APC2: variants seen among roughly 807,000 people sequenced by gnomAD.
APC2 encodes APC regulator of Wnt signaling pathway 2, also known as adenomatous polyposis coli protein 2.
Under a neutral mutation model 72.5 loss-of-function variants are expected in APC2, and 41 were observed. The ratio of observed to expected loss-of-function variants is 0.57; its 90% CI spans 0.44 to 0.73. The LOEUF is 0.73. Among genes scored for constraint, APC2 ranks in the 30% least tolerant of loss-of-function variants. APC2 has a pLI of 0.00. For synonymous variants in APC2, 1,898 were observed against 1,612.0 expected (o/e 1.18, Z -4.25); for missense variants, 3,729 against 3,403.4 (o/e 1.10, Z -2.38).
rs975482844 is a variant in APC2, at chr19:1,469,849, C to T, written c.6548C>T (p.Pro2183Leu). 5 of 1,520,436 alleles carry T rather than the reference C, an allele frequency of 3.3e-6. No homozygotes were observed. The highest frequency in any genetic ancestry group is 2.8e-5 in the African/African-American group (2 of 70,326). 94.2% of individuals were successfully genotyped at this position (1,520,436 alleles called of 1,614,324 possible). The change falls in exon 15 of 15, where the codon CCG becomes CTG. Residue 2183 changes from proline (P) to leucine (L), a missense_variant. By Grantham distance (98) the Pro-to-Leu change is moderately conservative. Transcript: ENST00000590469. ...TPEDAPAGPP[P>L]RKTSDAVVQT... Reference sequence around the variant, plus strand: ...GAGGACGCCCCGGCCGGGCCCCCGCCGCGCAAGACCAGCGACGCCGTGGTC... The same window carrying T: ...GAGGACGCCCCGGCCGGGCCCCCGCTGCGCAAGACCAGCGACGCCGTGGTC...
At chr19:1,458,086 G>A (rs1033459450) in intron 10 of APC2, 26 bp downstream of exon 10, 48 of 1,544,288 alleles carry the variant, frequency 3.1e-5, no homozygotes, top group Non-Finnish European at 4.0e-5. Context: ...CCTCTGGGAA[G>A]CCATCCTCCA....
chr19:1,452,691 C>A lies in APC2; in HGVS notation c.-18-293C>A. The A allele has an allele frequency of 5.4e-6, 2 of 373,442 alleles. No individual in the cohort carries two copies. Among genetic ancestry groups the A allele is most frequent in the Non-Finnish European group, 1.0e-5 (2 of 200,620 alleles). 23.1% of individuals were successfully genotyped at this position (373,442 alleles called of 1,614,324 possible). ...GGCTGGGAAGGAGAGGCCGACCCAT[C>A]GTCTGTCGGTCGACTGGTCAGTTGG... is the stretch of plus-strand genomic sequence containing the variant. On this transcript the variant is annotated intron_variant, in intron 1 of 14. Coordinates refer to ENST00000590469, the MANE Select transcript of APC2 (RefSeq NM_005883.3). This position sits in a 1 kb window ranked among gnomAD's most constrained non-coding sequence, Gnocchi z 5.1.
Position 1,469,649 on chromosome 19 carries a change from CG to C in APC2, c.6349del (p.Ala2117ArgfsTer218). The C allele has an allele frequency of 1.6e-6, 2 of 1,238,818 alleles. No homozygotes were observed. Among genetic ancestry groups the C allele is most frequent in the South Asian group, 3.0e-5 (1 of 33,130 alleles). The allele number at this position is 1,238,818 out of a possible 1,614,324, so 76.7% of individuals were successfully genotyped here. ...VARRPDGAVP[A>X]APASADAARR... ...CCCGCAGGCCCGACGGCGCCGTCCC[CG>C]CGGCCCCTGCCTCAGCCGACGCCGC... On this transcript the variant is annotated frameshift_variant, in exon 15 of 15. Transcript: ENST00000590469. LOFTEE classifies it low-confidence loss of function (END_TRUNC).
At chr19:1,451,332 A>T (rs2083740487) in intron 1 of APC2, 2 of 152,722 alleles carry the variant, frequency 1.3e-5, no homozygotes, top group South Asian at 2.1e-4. Context: ...TTTGCACGTC[A>T]TCTGGTCCTT....
At position 1,458,162 on chromosome 19, in the gene APC2, C is replaced by T. The variant is rs117105828; in HGVS notation, c.1303+102C>T. 1,777 of 1,133,598 alleles carry T rather than the reference C, an allele frequency of 1.6e-3. 41 individuals are homozygous for T. In the East Asian group the frequency reaches 0.037, roughly 24 times the overall value. The allele number at this position is 1,133,598 out of a possible 1,614,324, so 70.2% of individuals were successfully genotyped here. ...ACAGGCTGGGTCATCTGAGCTTGGG[C>T]TGGGGATTGGAGCCCGGAGAGGGAC... On this transcript the variant is annotated intron_variant, in intron 10 of 14. Transcript: ENST00000590469.
intron 11 of APC2, 23 bp from the exon 12 acceptor site, chr19:1,460,757 C>A: frequency 6.2e-7 from 1 of 1,608,850 alleles, no homozygotes; most frequent in South Asian, 1.1e-5. Flanking sequence ...ACCCCGTGAC[C>A]CCGGCTGCAT....
In APC2 at chr19:1,468,114, G is replaced by T; in HGVS notation, c.4813G>T (p.Ala1605Ser). The change falls in exon 15 of 15, where the codon GCG (alanine) becomes TCG (serine). Residue 1605 changes from alanine to serine, a missense_variant. By Grantham distance (99) the Ala-to-Ser change is moderately conservative. Coordinates refer to ENST00000590469, the MANE Select transcript of APC2 (RefSeq NM_005883.3). ...CGTCCATCCACGAGGCCGGGAGCCC[G>T]CGGTCACCAAGGACCCGGGCCCAGG... ...PAVHPRGREPAVTKDPGPGGG... is the reference protein window; with the variant it reads ...PAVHPRGREPSVTKDPGPGGG... 3 of 1,520,266 alleles carry T rather than the reference G, an allele frequency of 2.0e-6. No homozygotes were observed. Among genetic ancestry groups the T allele is most frequent in the Non-Finnish European group, 2.6e-6 (3 of 1,141,718 alleles). 94.2% of individuals were successfully genotyped at this position (1,520,266 alleles called of 1,614,324 possible).
At position 1,456,797 on chromosome 19, in the gene APC2, T is replaced by C. The variant is rs1599137947; in HGVS notation, c.817-56T>C. Reference sequence around the variant, plus strand: ...GGGGTCACAGGGCTCCGACCGGGTTTCCAGGTGTGCGGGGGGCAGGTGAGG... The same window carrying C: ...GGGGTCACAGGGCTCCGACCGGGTTCCCAGGTGTGCGGGGGGCAGGTGAGG... On this transcript the variant is annotated intron_variant, in intron 8 of 14. Coordinates refer to ENST00000590469, the MANE Select transcript of APC2 (RefSeq NM_005883.3). 2.6e-6 allele frequency: 4 copies of C among 1,549,538 alleles called. No individual in the cohort carries two copies. The East Asian group carries it at 9.6e-5, about 37-fold the overall frequency.
At position 1,465,988 on chromosome 19, in the gene APC2, G is replaced by T; in HGVS notation, c.2687G>T (p.Arg896Leu). 1 of 1,520,194 alleles carries T rather than the reference G, an allele frequency of 6.6e-7. No homozygotes were observed. 94.2% of individuals were successfully genotyped at this position (1,520,194 alleles called of 1,614,324 possible). ...EGRAQSCSPC[R>L]GPEGGRREAG... ...CGCGCCCAGTCCTGCTCGCCATGCC[G>T]CGGCCCGGAGGGCGGGCGGCGAGAG... The change falls in exon 15 of 15, where the codon CGC becomes CTC. Residue 896 changes from arginine to leucine, a missense_variant. Coordinates refer to ENST00000590469, the MANE Select transcript of APC2 (RefSeq NM_005883.3).
intron 14 of APC2, among the ~76,000 whole-genome samples, chr19:1,463,057 C>T (rs1451784241): frequency 6.6e-6 from 1 of 151,896 alleles, no homozygotes; most frequent in Non-Finnish European, 1.5e-5. Context: ...GGGCGGATCA[C>T]CTGAGGTTGG....
rs1172790922 is a variant in APC2 at position 1,468,576 on chromosome 19, G to A, written c.5275G>A (p.Val1759Ile). Residue 1759 changes from valine (V) to isoleucine (I), a missense_variant, in exon 15 of 15, where the codon GTC (valine) becomes ATC (isoleucine). Physicochemically the swap from Val to Ile is conservative, Grantham distance 29. Coordinates refer to ENST00000590469, the MANE Select transcript of APC2 (RefSeq NM_005883.3). ...RRPEKRGAAS[V>I]KTSGSPRSPA... is the part of the protein sequence containing the mutation. ...GCCAGAGAAAAGGGGCGCAGCCTCA[G>A]TCAAGACCAGCGGGAGCCCCCGTTC... The A allele has an allele frequency of 2.5e-6, 4 of 1,600,244 alleles. No individual in the cohort carries two copies. Among genetic ancestry groups the A allele is most frequent in the African/African-American group, 2.7e-5 (2 of 74,718 alleles).
chr19:1,447,925 G>T (rs1178052863), upstream of APC2, among the ~76,000 whole-genome samples: 1 of 152,154 alleles, frequency 6.6e-6, no homozygotes, highest in East Asian at 1.9e-4. Flanking sequence ...CCTGATGGGG[G>T]CCTGGGGAGC....
intron 14 of APC2, among the ~76,000 whole-genome samples, chr19:1,463,734 G>A (rs1168363108): frequency 6.6e-6 from 1 of 152,046 alleles, no homozygotes. Flanking sequence ...TGGGTGATGG[G>A]AGTGAGACCC....
chr19:1,470,380 T>A lies in APC2; in HGVS notation c.*167T>A. On this transcript the variant is annotated 3_prime_UTR_variant, in exon 15 of 15. Coordinates refer to ENST00000590469, the MANE Select transcript of APC2 (RefSeq NM_005883.3). Reference sequence around the variant, plus strand: ...GCCCAGCGCACGGCGACCTCGCGCCTCACCGGAAGACCTTGCCTCTGTGCC... The same window carrying A: ...GCCCAGCGCACGGCGACCTCGCGCCACACCGGAAGACCTTGCCTCTGTGCC... 9.8e-7 allele frequency: 1 copy of A among 1,024,060 alleles called. No homozygotes were observed. The highest frequency in any genetic ancestry group is 1.3e-6 in the Non-Finnish European group (1 of 742,006). 63.4% of individuals were successfully genotyped at this position (1,024,060 alleles called of 1,614,324 possible). A position where few individuals can be genotyped will look rare whatever the true frequency, so the allele number is the denominator to read the frequency against.
Position 1,469,200 on chromosome 19 carries a change from G to A in APC2, c.5899G>A (p.Gly1967Arg), listed in dbSNP as rs1371963460. 2 of 1,311,154 alleles carry A rather than the reference G, an allele frequency of 1.5e-6. No homozygotes were observed. Among genetic ancestry groups the A allele is most frequent in the Admixed American group, 3.9e-5 (1 of 25,648 alleles). The allele number at this position is 1,311,154 out of a possible 1,614,324, so 81.2% of individuals were successfully genotyped here. A position where few individuals can be genotyped will look rare whatever the true frequency, so the allele number is the denominator to read the frequency against. The stretch of plus-strand genomic sequence containing the variant: ...GACCGAGGCGGGCCCGGGGGCGCGC[G>A]GGGGCCGCCTGGGCCTGGTGCGTGT... ...AGTEAGPGARGGRLGLVRVAS... is the reference protein window; with the variant it reads ...AGTEAGPGARRGRLGLVRVAS... Residue 1967 changes from glycine (G) to arginine (R), a missense_variant, in exon 15 of 15, where the codon GGG (glycine) becomes AGG (arginine). Transcript: ENST00000590469.
chr19:1,453,074 C>A lies in APC2; in HGVS notation c.73C>A (p.Leu25Met). The change falls in exon 2 of 15, where the codon CTG (leucine) becomes ATG (methionine). Residue 25 changes from leucine to methionine, a missense_variant. By Grantham distance (15) the Leu-to-Met change is conservative. Coordinates refer to ENST00000590469, the MANE Select transcript of APC2 (RefSeq NM_005883.3). ...VEALKAENSH[L>M]RQELRDNSSH... is the part of the protein sequence containing the mutation. Reference sequence around the variant, plus strand: ...GGCCTTGAAGGCTGAGAACAGCCACCTGAGGCAGGAGCTAAGGGACAACTC... The same window carrying A: ...GGCCTTGAAGGCTGAGAACAGCCACATGAGGCAGGAGCTAAGGGACAACTC... 6.2e-7 allele frequency: 1 copy of A among 1,610,484 alleles called. No individual in the cohort carries two copies. The highest frequency in any genetic ancestry group is 8.5e-7 in the Non-Finnish European group (1 of 1,179,402).
At chr19:1,460,985 T>G (rs1599145641) in intron 12 of APC2, 52 bp from the exon 13 acceptor site, 2 of 1,604,830 alleles carry the variant, frequency 1.2e-6, no homozygotes, top group Non-Finnish European at 8.5e-7. Context: ...TGCTGGGGGG[T>G]TTGGGGGGCC....
In APC2 at chr19:1,468,385, C is replaced by A; in HGVS notation, c.5084C>A (p.Ser1695Ter). 1 of 1,580,742 alleles carries A rather than the reference C, an allele frequency of 6.3e-7. No individual in the cohort carries two copies. Among genetic ancestry groups the A allele is most frequent in the Non-Finnish European group, 8.6e-7 (1 of 1,161,684 alleles). ...EWRAIQEGAN[S>*]IVTWLHQAAA... ...CGCGCCATCCAGGAGGGCGCCAATT[C>A]AATTGTCACGTGGCTGCACCAGGCA... The change falls in exon 15 of 15, where the codon TCA becomes TAA. Residue 1695 changes from serine (S) to a stop codon, truncating the protein, a stop_gained. Coordinates refer to ENST00000590469, the MANE Select transcript of APC2 (RefSeq NM_005883.3). LOFTEE classifies it low-confidence loss of function (END_TRUNC).
Position 1,465,307 on chromosome 19 carries a change from T to C in APC2, c.2006T>C (p.Val669Ala). 1 of 1,598,368 alleles carries C rather than the reference T, an allele frequency of 6.3e-7. No individual in the cohort carries two copies. The highest frequency in any genetic ancestry group is 8.5e-7 in the Non-Finnish European group (1 of 1,177,084). Residue 669 changes from valine to alanine, a missense_variant, in exon 15 of 15, where the codon GTG (valine) becomes GCG (alanine). Coordinates refer to ENST00000590469, the MANE Select transcript of APC2 (RefSeq NM_005883.3). ...DQELLWDLGA[V>A]GMLRNLVHSK... Reference sequence around the variant, plus strand: ...GAGCTGCTGTGGGACCTGGGCGCCGTGGGCATGCTGCGTAATCTGGTGCAC... The same window carrying C: ...GAGCTGCTGTGGGACCTGGGCGCCGCGGGCATGCTGCGTAATCTGGTGCAC...
Sources: allele counts gnomAD v4.1 joint callset (sites outside exome capture counted in the v4.1 genomes callset), GRCh38; gene constraint gnomAD v4.1.1; non-coding constraint Gnocchi (gnomAD v3.1); transcripts MANE v1.5; gene names NCBI Gene and HGNC (gene_info 2026-07-23, HGNC 2026-07-21).